The following DSCAML1 variants were observed in gnomAD, a reference collection of about 807,000 sequenced individuals.
DSCAML1 encodes DS cell adhesion molecule like 1.
DSCAML1 carries 38 observed loss-of-function variants against 200.5 expected under a neutral mutation model. The observed-to-expected ratio is 0.19, with a 90% confidence interval of 0.15 to 0.25. DSCAML1 has a LOEUF of 0.25. Ranked by LOEUF, DSCAML1 falls within the 10% of genes least tolerant of loss-of-function variation. DSCAML1 has a pLI of 1.00. For missense variants in DSCAML1, 2,223 were observed against 2,858.8 expected (o/e 0.78, Z 5.07); for synonymous variants, 1,215 against 1,165.0 (o/e 1.04, Z -0.87).
intron 14 of DSCAML1, among the ~76,000 whole-genome samples, chr11:117,473,266 G>A (rs1481742576): frequency 6.6e-6 from 1 of 152,162 alleles, no homozygotes; most frequent in Non-Finnish European, 1.5e-5. Flanking sequence ...GGAGGCCAAG[G>A]CGGGTGGATC....
intron 3 of DSCAML1, among the ~76,000 whole-genome samples, chr11:117,593,715 T>G (rs1182967736): frequency 1.7e-5 from 1 of 57,202 alleles, no homozygotes. Context: ...TTTCTTGTTT[T>G]TTTTTTTTTT....
chr11:117,447,477 T>C (rs970172730), intron 20 of DSCAML1, among the ~76,000 whole-genome samples: 2 of 151,026 alleles, frequency 1.3e-5, no homozygotes, highest in Non-Finnish European at 2.9e-5. Context: ...TGTTTATCTG[T>C]AGGAAGTACA....
rs759760796 is a variant in DSCAML1, at chr11:117,480,536, C to T, written c.2692G>A (p.Val898Met). Residue 898 changes from valine to methionine, a missense_variant, in exon 14 of 33, where the codon GTG becomes ATG. Val to Met is a conservative substitution (Grantham distance 21). This residue lies in a region of DSCAML1 where 438 missense variants were observed against 629.7 expected (regional missense o/e 0.70). Coordinates refer to ENST00000651296, the MANE Select transcript of DSCAML1 (RefSeq NM_020693.4). The surrounding 1 kb of genome is among the most constrained non-coding windows in gnomAD (Gnocchi z 4.1). ...PDPPELEIRE[V>M]KARSMNLRWT... Reference sequence around the variant, plus strand: ...CGCAGGTTCATGCTCCGGGCCTTCACCTCCCGGATCTCCAGCTCTGGGGGG... The same window carrying T: ...CGCAGGTTCATGCTCCGGGCCTTCATCTCCCGGATCTCCAGCTCTGGGGGG... 1.9e-6 allele frequency: 3 copies of T among 1,582,050 alleles called. No homozygotes were observed. The South Asian group carries it at 3.5e-5, about 18-fold the overall frequency.
At chr11:117,453,750 T>TTTC (rs72081394) in intron 19 of DSCAML1, among the ~76,000 whole-genome samples, 45,034 of 128,604 alleles carry the variant, frequency 0.35, 8,133 homozygotes, top group Non-Finnish European at 0.45. Context: ...TTCTTTCTTT[T>TTTC]TTTTTTTTTT....
intron 3 of DSCAML1, among the ~76,000 whole-genome samples, chr11:117,589,173 TAGAG>T (rs142385562): frequency 0.055 from 8,423 of 152,012 alleles, 790 homozygotes; most frequent in African/African-American, 0.19. Flanking sequence ...GGCCTGTAAA[TAGAG>T]AGAAGCAGAT....
At chr11:117,815,288 C>T (rs2055795500) in intron 1 of DSCAML1, among the ~76,000 whole-genome samples, 1 of 152,346 alleles carries the variant, frequency 6.6e-6, no homozygotes, top group Non-Finnish European at 1.5e-5. Flanking sequence ...TGAGCTGAAG[C>T]TTGGGACTTT....
At chr11:117,539,760 T>A (rs1352061291) in intron 3 of DSCAML1, among the ~76,000 whole-genome samples, 1 of 152,138 alleles carries the variant, frequency 6.6e-6, no homozygotes, top group Non-Finnish European at 1.5e-5. Context: ...TACGATCCAG[T>A]GATTCTACTT....
chr11:117,734,673 T>C (rs981068845), intron 3 of DSCAML1, among the ~76,000 whole-genome samples: 3 of 152,222 alleles, frequency 2.0e-5, no homozygotes, highest in African/African-American at 7.2e-5. Context: ...TGTTCTCTTT[T>C]GTAAGCTCCA....
rs937423630 is a variant in DSCAML1, at chr11:117,516,050, C to T, written c.1783+417G>A. 2.6e-5 allele frequency among the ~76,000 whole-genome samples: 4 copies of T among 152,180 alleles called. No individual in the cohort carries two copies. Among genetic ancestry groups the T allele is most frequent in the Non-Finnish European group, 5.9e-5 (4 of 68,024 alleles). ...TCCCACAGGGGGTCAGGGCTCCCAG[C>T]GTGCTCTGTCAACCCTGGCCTCCTG... is the stretch of plus-strand genomic sequence containing the variant. On this transcript the variant is annotated intron_variant, in intron 8 of 32. Transcript: ENST00000651296. The surrounding 1 kb of genome is among the most constrained non-coding windows in gnomAD (Gnocchi z 5.7).
intron 14 of DSCAML1, among the ~76,000 whole-genome samples, chr11:117,477,394 G>GTA (rs1384786930): frequency 4.2e-5 from 6 of 143,664 alleles, no homozygotes; most frequent in African/African-American, 1.6e-4. Flanking sequence ...GTGTGTGTAT[G>GTA]TGTGTGTGTA....
intron 2 of DSCAML1, among the ~76,000 whole-genome samples, 175 bp from the exon 3 acceptor site, chr11:117,777,112 T>C (rs982522984): frequency 1.3e-5 from 2 of 152,158 alleles, no homozygotes; most frequent in African/African-American, 4.8e-5. Flanking sequence ...GATCTTGTTC[T>C]TGTCTGGGCA....
rs1388676148 is a variant in DSCAML1, at chr11:117,509,182, T to C, written c.1784-3450A>G. ...GATGCTGAGCTCAAGCAGAGGGCGA[T>C]GCCATCGGCTGGGGGTGACTGCAGC... On this transcript the variant is annotated intron_variant, in intron 8 of 32. Coordinates refer to ENST00000651296, the MANE Select transcript of DSCAML1 (RefSeq NM_020693.4). Among the ~76,000 whole-genome samples, 3 of 151,994 alleles carry C rather than the reference T, an allele frequency of 2.0e-5. No homozygotes were observed. In the East Asian group the frequency reaches 5.8e-4, roughly 29 times the overall value.
Position 117,656,057 on chromosome 11 carries a change from T to G in DSCAML1, c.511+120734A>C, listed in dbSNP as rs373500516. ...GAATTCAAGACTAGCCTGGCCAACA[T>G]GGTGAAATCCCATCTACTAAAAATA... On this transcript the variant is annotated intron_variant, in intron 3 of 32. Coordinates refer to ENST00000651296, the MANE Select transcript of DSCAML1 (RefSeq NM_020693.4). Among the ~76,000 whole-genome samples the G allele has an allele frequency of 6.6e-5, 10 of 152,304 alleles. No homozygotes were observed. The East Asian group carries it at 1.9e-3, about 29-fold the overall frequency.
chr11:117,664,993 C>T (rs982414965), intron 3 of DSCAML1, among the ~76,000 whole-genome samples: 38 of 152,230 alleles, frequency 2.5e-4, no homozygotes, highest in Admixed American at 7.2e-4. Flanking sequence ...TTCTGCCTTT[C>T]CTTCTTGTTT....
chr11:117,435,530 G>T, intron 27 of DSCAML1, 114 bp downstream of exon 27: 1 of 1,277,574 alleles, frequency 7.8e-7, no homozygotes. Context: ...CCTCCTTCAA[G>T]GGGACACAGG....
chr11:117,566,522 A>AT (rs1368763071), intron 3 of DSCAML1, among the ~76,000 whole-genome samples: 1 of 142,116 alleles, frequency 7.0e-6, no homozygotes, highest in Non-Finnish European at 1.6e-5. Context: ...TAACTTTTGT[A>AT]TTTTTTTGTA....
In DSCAML1 at chr11:117,505,783, G is replaced by A; in HGVS notation, c.1784-51C>T. ...TCAGGACCCTGTGCATTCTCACCTGGCCGCCAACGCCGCCTCACCTGCCTT... is the reference window on the plus strand; with the variant it reads ...TCAGGACCCTGTGCATTCTCACCTGACCGCCAACGCCGCCTCACCTGCCTT... On this transcript the variant is annotated intron_variant, in intron 8 of 32. Coordinates refer to ENST00000651296, the MANE Select transcript of DSCAML1 (RefSeq NM_020693.4). This position sits in a 1 kb window ranked among gnomAD's most constrained non-coding sequence, Gnocchi z 6.7. 2 of 1,552,970 alleles carry A rather than the reference G, an allele frequency of 1.3e-6. No individual in the cohort carries two copies. Among genetic ancestry groups the A allele is most frequent in the Non-Finnish European group, 1.7e-6 (2 of 1,151,508 alleles).
chr11:117,438,678 T>C (rs2047974571), intron 24 of DSCAML1, among the ~76,000 whole-genome samples: 1 of 152,124 alleles, frequency 6.6e-6, no homozygotes, highest in African/African-American at 2.4e-5. Context: ...AGCTCACAAG[T>C]GGCATTGGAG....
At chr11:117,816,730 G>A (rs12284607) in intron 1 of DSCAML1, among the ~76,000 whole-genome samples, 3,667 of 151,376 alleles carry the variant, frequency 0.024, 144 homozygotes, top group African/African-American at 0.084. Flanking sequence ...CAGCGCCAGT[G>A]GAGACGCTCA....
Sources: gnomAD v4.1 joint callset for allele counts (sites outside exome capture counted in the v4.1 genomes callset) on GRCh38, gnomAD v4.1.1 for gene constraint, gnomAD v4.1.1 regional missense constraint, Gnocchi (gnomAD v3.1) non-coding constraint, MANE v1.5 for transcripts, NCBI Gene and HGNC (gene_info 2026-07-23, HGNC 2026-07-21) for gene names.